The following MTREX variants were observed in gnomAD, a reference collection of about 807,000 sequenced individuals.
MTREX encodes exosome RNA helicase MTR4.
A neutral mutation model predicts 135.4 loss-of-function variants in MTREX; 76 were observed. That is an observed-to-expected ratio of 0.56 (90% CI 0.47 to 0.68). The LOEUF is 0.68. MTREX is among the 30% of genes least tolerant of loss of function. The pLI is 0.00. For synonymous variants in MTREX, 404 were observed against 401.6 expected (o/e 1.01, Z -0.07); for missense variants, 920 against 1,262.1 (o/e 0.73, Z 4.11).
chr5:55,338,458 A>T (rs1220300263), intron 5 of MTREX, among the ~76,000 whole-genome samples: 5 of 151,754 alleles, frequency 3.3e-5, no homozygotes, highest in Non-Finnish European at 5.9e-5. Context: ...TAGCAGTTTA[A>T]CTATGATGTT....
intron 18 of MTREX, among the ~76,000 whole-genome samples, chr5:55,382,234 T>C (rs1202931726): frequency 6.6e-6 from 1 of 152,146 alleles, no homozygotes; most frequent in Non-Finnish European, 1.5e-5. Context: ...TTCTCTTCTT[T>C]TACTGCTTCC....
At chr5:55,404,857 G>T (rs1441292435) in intron 21 of MTREX, among the ~76,000 whole-genome samples, 2 of 149,862 alleles carry the variant, frequency 1.3e-5, no homozygotes, top group African/African-American at 4.9e-5. Flanking sequence ...AGGCTGGAGT[G>T]CAGTGGCATC....
At chr5:55,384,541 C>A (rs1561204425) in intron 18 of MTREX, among the ~76,000 whole-genome samples, 1 of 152,096 alleles carries the variant, frequency 6.6e-6, no homozygotes. Context: ...TACATTTTTC[C>A]CTGTTCTATG....
intron 5 of MTREX, among the ~76,000 whole-genome samples, chr5:55,336,003 A>T (rs936602847): frequency 6.6e-6 from 1 of 152,134 alleles, no homozygotes; most frequent in African/African-American, 2.4e-5. Flanking sequence ...ATTTCTGTTT[A>T]TGCTATTGTG....
At chr5:55,366,188 A>C (rs1310678021) in intron 15 of MTREX, among the ~76,000 whole-genome samples, 1 of 152,148 alleles carries the variant, frequency 6.6e-6, no homozygotes, top group Non-Finnish European at 1.5e-5. Context: ...CACAGTTAGG[A>C]AGACAAAAAG....
At chr5:55,391,270 T>A (rs1750561391) in intron 19 of MTREX, among the ~76,000 whole-genome samples, 1 of 151,924 alleles carries the variant, frequency 6.6e-6, no homozygotes, top group African/African-American at 2.4e-5. Context: ...AGTGAAACCC[T>A]GTCTGTACAA....
At chr5:55,416,753 G>GC in intron 25 of MTREX, among the ~76,000 whole-genome samples, 1 of 152,242 alleles carries the variant, frequency 6.6e-6, no homozygotes, top group African/African-American at 2.4e-5. Flanking sequence ...GAAAAGATTG[G>GC]TTTGTGTGTT....
At chr5:55,404,470 A>T (rs1280316615) in intron 21 of MTREX, among the ~76,000 whole-genome samples, 5 of 152,232 alleles carry the variant, frequency 3.3e-5, no homozygotes, top group Non-Finnish European at 7.3e-5. Context: ...CTTAAGGGCA[A>T]AGAGAAGGAA....
Position 55,327,352 on chromosome 5 carries a change from G to A in MTREX, c.340-364G>A, listed in dbSNP as rs140095423. Among the ~76,000 whole-genome samples the A allele has an allele frequency of 2.4e-3, 358 of 152,174 alleles. 4 individuals carry two copies. Among genetic ancestry groups the A allele is most frequent in the African/African-American group, 8.0e-3 (334 of 41,504 alleles). On this transcript the variant is annotated intron_variant, in intron 3 of 26. Transcript: ENST00000230640. Reference sequence around the variant, plus strand: ...TTTTTCTAATTGCCATTCCCTGTCAGCATATGAGCATTCAAAAGTTTCTCT... The same window carrying A: ...TTTTTCTAATTGCCATTCCCTGTCAACATATGAGCATTCAAAAGTTTCTCT...
chr5:55,408,967 T>TTATG (rs1394474501), intron 22 of MTREX, among the ~76,000 whole-genome samples: 2 of 138,686 alleles, frequency 1.4e-5, no homozygotes, highest in African/African-American at 5.4e-5. Flanking sequence ...ATTTATTTAT[T>TTATG]TTGAGACAAG....
At chr5:55,362,879 G>A (rs1227349427) in intron 15 of MTREX, among the ~76,000 whole-genome samples, 1 of 152,080 alleles carries the variant, frequency 6.6e-6, no homozygotes, top group Admixed American at 6.5e-5. Flanking sequence ...CTCCAATATA[G>A]TGCCCATATT....
chr5:55,325,059 C>T (rs1749351250), intron 3 of MTREX, among the ~76,000 whole-genome samples: 1 of 152,102 alleles, frequency 6.6e-6, no homozygotes, highest in Admixed American at 6.6e-5. Flanking sequence ...AATTTATACA[C>T]ATTAGGGACA....
intron 10 of MTREX, among the ~76,000 whole-genome samples, chr5:55,346,536 A>T (rs1440125666): frequency 1.3e-5 from 2 of 152,200 alleles, no homozygotes; most frequent in African/African-American, 4.8e-5. Context: ...ATCCTATTGA[A>T]TGTGAAGTGG....
At chr5:55,350,442 T>G (rs1219132294) in intron 12 of MTREX, among the ~76,000 whole-genome samples, 3 of 152,248 alleles carry the variant, frequency 2.0e-5, no homozygotes, top group Non-Finnish European at 4.4e-5. Flanking sequence ...ATCTTTGTTA[T>G]AGCGCACTTC....
chr5:55,314,458 A>G (rs1000826138), intron 1 of MTREX, among the ~76,000 whole-genome samples: 6 of 152,200 alleles, frequency 3.9e-5, no homozygotes, highest in Non-Finnish European at 7.3e-5. Flanking sequence ...GAAAGAAGGA[A>G]GCTGAAGGGA....
intron 8 of MTREX, 48 bp from the exon 9 acceptor site, chr5:55,344,474 T>TATTTTGAGG: frequency 8.0e-7 from 1 of 1,251,464 alleles, no homozygotes; most frequent in Non-Finnish European, 1.2e-6. Flanking sequence ...GATACAGTTT[T>TATTTTGAGG]ATTTTGAGGA....
chr5:55,329,542 C>T (rs532215476), intron 5 of MTREX: 1 of 152,240 alleles, frequency 6.6e-6, no homozygotes, highest in East Asian at 1.9e-4. Flanking sequence ...GTTTTCTGTA[C>T]AGCATCATTT....
Position 55,397,487 on chromosome 5 carries a change from G to T in MTREX, c.2253G>T (p.Arg751=). ...GGCTTTACATTCCTAAAGACCTTCGGCCGGTGGACAATAGACAGAGTGTTT... is the reference window on the plus strand; with the variant it reads ...GGCTTTACATTCCTAAAGACCTTCGTCCGGTGGACAATAGACAGAGTGTTT... ...SVRLYIPKDL[R]PVDNRQSVLK... The change falls in exon 20 of 27, where the codon CGG becomes CGT. Residue 751 remains arginine, a synonymous_variant. Coordinates refer to ENST00000230640, the MANE Select transcript of MTREX (RefSeq NM_015360.5). 1 of 1,609,960 alleles carries T rather than the reference G, an allele frequency of 6.2e-7. No homozygotes were observed. Among genetic ancestry groups the T allele is most frequent in the South Asian group, 1.1e-5 (1 of 90,478 alleles).
intron 5 of MTREX, among the ~76,000 whole-genome samples, chr5:55,332,567 G>A (rs1195482724): frequency 9.9e-5 from 15 of 152,196 alleles, no homozygotes. Context: ...GGTTCTGGAA[G>A]CTGAGAAAAC....
Sources: gnomAD v4.1 joint callset for allele counts (sites outside exome capture counted in the v4.1 genomes callset) on GRCh38, gnomAD v4.1.1 for gene constraint, MANE v1.5 for transcripts, NCBI Gene and HGNC (gene_info 2026-07-23, HGNC 2026-07-21) for gene names.